Variants in USO1 observed in about 807,000 individuals in gnomAD.
The protein encoded by USO1 is general vesicular transport factor p115.
In USO1, 57 loss-of-function variants were observed where a neutral mutation model predicts 124.5. The ratio of observed to expected loss-of-function variants is 0.46; its 90% CI spans 0.37 to 0.57. USO1 has a LOEUF of 0.57. Among genes scored for constraint, USO1 ranks in the 20% least tolerant of loss-of-function variants. The probability of loss-of-function intolerance (pLI) is 0.00; values close to 1 mark genes in which losing one functional copy is unlikely to be tolerated. For missense variants in USO1, 900 were observed against 1,040.6 expected (o/e 0.86, Z 1.86); for synonymous variants, 369 against 362.8 (o/e 1.02, Z -0.19).
chr4:75,763,383 A>G (rs1721677478), intron 4 of USO1, among the ~76,000 whole-genome samples: 1 of 152,224 alleles, frequency 6.6e-6, no homozygotes, highest in African/African-American at 2.4e-5. Flanking sequence ...AGTATTCAGT[A>G]AATTACATGA....
chr4:75,762,623 A>G (rs1721650012), intron 4 of USO1, among the ~76,000 whole-genome samples: 1 of 152,090 alleles, frequency 6.6e-6, no homozygotes, highest in Non-Finnish European at 1.5e-5. Context: ...ATTCAGATAA[A>G]TGTTAAAAAG....
At chr4:75,734,390 G>A (rs1271550819) in intron 1 of USO1, among the ~76,000 whole-genome samples, 3 of 152,158 alleles carry the variant, frequency 2.0e-5, no homozygotes, top group Non-Finnish European at 4.4e-5. Context: ...TATTGGATAG[G>A]TAGTCCTTTC....
At chr4:75,780,188 G>A (rs536080839) in intron 8 of USO1, among the ~76,000 whole-genome samples, 5 of 152,204 alleles carry the variant, frequency 3.3e-5, no homozygotes, top group South Asian at 2.1e-4. Flanking sequence ...TAGAAAAAAC[G>A]ATTTTCAAAA....
chr4:75,810,602 A>G (rs1723120225), intron 22 of USO1, 63 bp downstream of exon 22: 6 of 1,467,872 alleles, frequency 4.1e-6, no homozygotes, highest in Non-Finnish European at 3.6e-6. Context: ...AGGAAATTTT[A>G]TATATCTTTC....
chr4:75,795,768 A>G (rs1722659572), intron 13 of USO1, among the ~76,000 whole-genome samples: 1 of 152,190 alleles, frequency 6.6e-6, no homozygotes. Context: ...TGATTTTTAT[A>G]CTAGATTATT....
At chr4:75,742,810 C>T (rs888837777) in intron 1 of USO1, among the ~76,000 whole-genome samples, 3 of 152,128 alleles carry the variant, frequency 2.0e-5, no homozygotes, top group Non-Finnish European at 4.4e-5. Context: ...ACTTTCCTAT[C>T]ATGTAGATGA....
chr4:75,812,144 A>G lies in USO1; in HGVS notation c.2584-16A>G. The G allele has an allele frequency of 6.3e-7, 1 of 1,583,302 alleles. No homozygotes were observed. The highest frequency in any genetic ancestry group is 1.2e-5 in the South Asian group (1 of 86,258). On this transcript the variant is annotated splice_polypyrimidine_tract_variant and intron_variant, in intron 22 of 23. Transcript: ENST00000514213. The stretch of plus-strand genomic sequence containing the variant: ...TGCTAATTTTAGATTCCTGCCTTTC[A>G]CCTTTCTTTTCCTAGAATGAAATTA...
At chr4:75,764,527 G>A (rs1036782866) in intron 4 of USO1, among the ~76,000 whole-genome samples, 10 of 151,996 alleles carry the variant, frequency 6.6e-5, no homozygotes, top group African/African-American at 2.4e-4. Context: ...ACTAACCAAG[G>A]CTTGGTTAGT....
At chr4:75,756,075 C>T (rs1721432658) in intron 3 of USO1, among the ~76,000 whole-genome samples, 1 of 150,014 alleles carries the variant, frequency 6.7e-6, no homozygotes, top group Admixed American at 6.8e-5. Context: ...GAGGCTGAGG[C>T]AGGAGAATGG....
rs757194744 is a variant in USO1, at chr4:75,801,092, G to A, written c.1878G>A (p.Lys626=). The A allele has an allele frequency of 1.3e-6, 2 of 1,573,420 alleles. No individual in the cohort carries two copies. Among genetic ancestry groups the A allele is most frequent in the Non-Finnish European group, 8.6e-7 (1 of 1,160,508 alleles). ...TTCCTTTTATAGGTGTTATAACTAA[G>A]GCTATTTATAAGTCCAGTGAAGAAG... ...LVKELEGVIT[K]AIYKSSEEDK... is the part of the protein sequence containing the mutation. The change falls in exon 17 of 24, where the codon AAG becomes AAA. Residue 626 remains lysine (K), a synonymous_variant. Transcript: ENST00000514213.
intron 1 of USO1, among the ~76,000 whole-genome samples, chr4:75,745,545 G>A (rs1039436031): frequency 3.3e-5 from 5 of 152,152 alleles, no homozygotes; most frequent in African/African-American, 4.8e-5. Context: ...TCCCAAACTG[G>A]TAGTGTATTT....
At chr4:75,765,474 T>C (rs1721744801) in intron 4 of USO1, among the ~76,000 whole-genome samples, 1 of 152,128 alleles carries the variant, frequency 6.6e-6, no homozygotes, top group Non-Finnish European at 1.5e-5. Context: ...AGGACTTCTG[T>C]TCATAGCTGA....
intron 9 of USO1, among the ~76,000 whole-genome samples, chr4:75,784,328 T>G (rs931591052): frequency 5.3e-5 from 8 of 152,230 alleles, no homozygotes; most frequent in African/African-American, 1.9e-4. Context: ...CTACACTGCT[T>G]TCTTAAATAA....
chr4:75,733,030 G>C (rs1418835373), intron 1 of USO1, among the ~76,000 whole-genome samples: 1 of 151,612 alleles, frequency 6.6e-6, no homozygotes, highest in East Asian at 1.9e-4. Flanking sequence ...GGAGGCCGAG[G>C]CGGGCAGATT....
intron 1 of USO1, among the ~76,000 whole-genome samples, chr4:75,727,963 T>C (rs1215184991): frequency 6.6e-6 from 1 of 152,180 alleles, no homozygotes; most frequent in African/African-American, 2.4e-5. Flanking sequence ...TAAAGTGTCT[T>C]TAGGGCAGGG....
intron 9 of USO1, among the ~76,000 whole-genome samples, chr4:75,786,548 T>G (rs1722367049): frequency 1.3e-5 from 2 of 152,196 alleles, no homozygotes; most frequent in Admixed American, 6.5e-5. Flanking sequence ...GGGATTTAAT[T>G]GGCATTAGCA....
At chr4:75,756,527 A>G (rs1179738894) in intron 3 of USO1, among the ~76,000 whole-genome samples, 8 of 131,518 alleles carry the variant, frequency 6.1e-5, no homozygotes, top group African/African-American at 2.3e-4. Flanking sequence ...TTTTTTTGAG[A>G]CGGAGTTTTG....
chr4:75,736,234 A>G (rs1003221341), intron 1 of USO1, among the ~76,000 whole-genome samples: 1 of 151,122 alleles, frequency 6.6e-6, no homozygotes, highest in African/African-American at 2.4e-5. Context: ...TAATATACAA[A>G]TATATATTTG....
Position 75,752,533 on chromosome 4 carries a change from T to A in USO1, c.154-7T>A, listed in dbSNP as rs1721321058. The A allele has an allele frequency of 5.0e-6, 2 of 398,412 alleles. No homozygotes were observed. The allele number at this position is 398,412 out of a possible 1,614,324, so 24.7% of individuals were successfully genotyped here. The stretch of plus-strand genomic sequence containing the variant: ...ACTTTAGTAACATTTTTATTTTTTA[T>A]GTGCAGAAATACCGCTTGGAAGTGG... On this transcript the variant is annotated splice_polypyrimidine_tract_variant and splice_region_variant and intron_variant, in intron 2 of 23. Transcript: ENST00000514213.
Sources: allele counts gnomAD v4.1 joint callset (sites outside exome capture counted in the v4.1 genomes callset), GRCh38; gene constraint gnomAD v4.1.1; transcripts MANE v1.5; gene names NCBI Gene and HGNC (gene_info 2026-07-23, HGNC 2026-07-21).